FLI1: variants seen among roughly 807,000 people sequenced by gnomAD.
FLI1 encodes the protein Friend leukemia integration 1 transcription factor.
FLI1 carries 13 observed loss-of-function variants against 53.1 expected under a neutral mutation model. The observed-to-expected ratio is 0.24, with a 90% CI of 0.16 to 0.39. The LOEUF is 0.39. Ranked by LOEUF, FLI1 falls within the 10% of genes least tolerant of loss-of-function variation. The probability of loss-of-function intolerance (pLI) is 1.00; values close to 1 mark genes in which losing one functional copy is unlikely to be tolerated. For missense variants in FLI1, 424 were observed against 600.5 expected (o/e 0.71, Z 3.07); for synonymous variants, 244 against 236.7 (o/e 1.03, Z -0.28).
At position 128,768,196 on chromosome 11, in the gene FLI1, C is replaced by A. The variant is rs770373355; in HGVS notation, c.309C>A (p.Asn103Lys). Residue 103 changes from asparagine (N) to lysine (K), a missense_variant, in exon 3 of 9, where the codon AAC (asparagine) becomes AAA (lysine). Physicochemically the swap from Asn to Lys is moderately conservative, Grantham distance 94. Around this residue, in one of 5 missense-constraint regions of FLI1, gnomAD observed 137 missense variants for 169.1 expected, o/e 0.81. Transcript: ENST00000527786. Reference protein sequence around the residue: ...GGGESNPMNYNSYMDEKNGPP... With the variant: ...GGGESNPMNYKSYMDEKNGPP... ...GCGAGTCCAACCCCATGAACTACAA[C>A]AGCTATATGGACGAGAAGAATGGCC... 1.2e-6 allele frequency: 2 copies of A among 1,613,812 alleles called. No homozygotes were observed. The highest frequency in any genetic ancestry group is 1.7e-6 in the Non-Finnish European group (2 of 1,179,864).
chr11:128,694,390 C>G, intron 1 of FLI1, 114 bp downstream of exon 1: 2 of 848,262 alleles, frequency 2.4e-6, no homozygotes, highest in Non-Finnish European at 3.2e-6. Context: ...CCCTTCCCTC[C>G]GCGCCCCGGC....
intron 5 of FLI1, among the ~76,000 whole-genome samples, chr11:128,799,049 A>ATTTTTTTTTTTTTTT (rs1184910280): frequency 7.3e-6 from 1 of 137,278 alleles, no homozygotes; most frequent in African/African-American, 2.7e-5. Context: ...TATTATTATT[A>ATTTTTTTTTTTTTTT]TTATTTTGCT....
intron 1 of FLI1, among the ~76,000 whole-genome samples, chr11:128,721,840 G>A (rs1939267095): frequency 1.3e-5 from 2 of 152,170 alleles, no homozygotes. Context: ...AGGCATTTGG[G>A]TGACTTTCCA....
chr11:128,691,469 T>C (rs1010783563), upstream of FLI1, among the ~76,000 whole-genome samples: 2 of 152,094 alleles, frequency 1.3e-5, no homozygotes, highest in Admixed American at 1.3e-4. Flanking sequence ...CCTCTGTGAA[T>C]GGACAGGAGC....
intron 1 of FLI1, among the ~76,000 whole-genome samples, chr11:128,716,929 A>G (rs1196821676): frequency 2.0e-5 from 3 of 152,178 alleles, no homozygotes; most frequent in African/African-American, 7.2e-5. Context: ...CATGCTCGTC[A>G]CTGTGGGCAT....
intron 1 of FLI1, among the ~76,000 whole-genome samples, chr11:128,739,466 C>T (rs889470684): frequency 6.7e-6 from 1 of 148,174 alleles, no homozygotes; most frequent in Non-Finnish European, 1.5e-5. Context: ...ATCTGCCAAA[C>T]AAGCCCGTGA....
intron 1 of FLI1, among the ~76,000 whole-genome samples, chr11:128,748,499 G>C (rs932896435): frequency 6.6e-6 from 1 of 152,150 alleles, no homozygotes; most frequent in Non-Finnish European, 1.5e-5. Flanking sequence ...TGGGCGTGGT[G>C]GTGGGCGCCT....
intron 5 of FLI1, among the ~76,000 whole-genome samples, chr11:128,794,771 G>C (rs767017957): frequency 2.6e-5 from 4 of 152,284 alleles, no homozygotes; most frequent in Non-Finnish European, 5.9e-5. Context: ...TCAGGGATCT[G>C]TAAGATCGAG....
intron 1 of FLI1, among the ~76,000 whole-genome samples, chr11:128,756,820 T>G (rs567193500): frequency 1.3e-5 from 2 of 152,258 alleles, no homozygotes; most frequent in South Asian, 4.1e-4. Flanking sequence ...CGATGAGACA[T>G]GGAATAATGG....
chr11:128,805,414 A>T lies in FLI1; in HGVS notation c.704A>T (p.Asn235Ile). ...AGAGGAGCTTGGGGCAATAACATGAATTCTGGCCTCAACAAAAGTAAGTAA... is the reference window on the plus strand; with the variant it reads ...AGAGGAGCTTGGGGCAATAACATGATTTCTGGCCTCAACAAAAGTAAGTAA... ...VRRGAWGNNM[N>I]SGLNKSPPLG... The change falls in exon 6 of 9, where the codon AAT (asparagine) becomes ATT (isoleucine). Residue 235 changes from asparagine to isoleucine, a missense_variant. Physicochemically the swap from Asn to Ile is moderately radical, Grantham distance 149. Around this residue, in one of 5 missense-constraint regions of FLI1, gnomAD observed 114 missense variants for 117.9 expected, o/e 0.97. Coordinates refer to ENST00000527786, the MANE Select transcript of FLI1 (RefSeq NM_002017.5). 6.3e-7 allele frequency: 1 copy of T among 1,582,396 alleles called. No individual in the cohort carries two copies. Among genetic ancestry groups the T allele is most frequent in the South Asian group, 1.2e-5 (1 of 86,898 alleles).
intron 1 of FLI1, among the ~76,000 whole-genome samples, chr11:128,745,627 T>TC (rs1940347901): frequency 6.6e-6 from 1 of 152,192 alleles, no homozygotes; most frequent in Non-Finnish European, 1.5e-5. Flanking sequence ...ATTCAGGGTC[T>TC]CCCCTGTCCC....
intron 1 of FLI1, among the ~76,000 whole-genome samples, chr11:128,716,110 A>G (rs1415690035): frequency 1.3e-5 from 2 of 152,220 alleles, no homozygotes; most frequent in Admixed American, 1.3e-4. Context: ...ACTGTTAGAA[A>G]TGGAGGCACA....
At chr11:128,697,147 A>C (rs1938115499) in intron 1 of FLI1, among the ~76,000 whole-genome samples, 1 of 152,220 alleles carries the variant, frequency 6.6e-6, no homozygotes, top group Non-Finnish European at 1.5e-5. Context: ...TGATATTATC[A>C]GTGTTAAAAA....
chr11:128,725,543 C>T (rs1357789417), intron 1 of FLI1, among the ~76,000 whole-genome samples: 1 of 152,208 alleles, frequency 6.6e-6, no homozygotes, highest in Non-Finnish European at 1.5e-5. Context: ...GTCTAGGAAC[C>T]TTTCACCAAC....
chr11:128,797,760 C>CGAGGGGCAAGAATGAATTTTTGA (rs1942485261), intron 5 of FLI1, among the ~76,000 whole-genome samples: 1 of 152,022 alleles, frequency 6.6e-6, no homozygotes, highest in African/African-American at 2.4e-5. Context: ...TTGGTGATGG[C>CGAGGGGCAAGAATGAATTTTTGA]GAGGGGCAAG....
intron 1 of FLI1, among the ~76,000 whole-genome samples, chr11:128,713,120 C>T (rs58631430): frequency 0.013 from 1,939 of 152,258 alleles, 46 homozygotes; most frequent in African/African-American, 0.044. Context: ...CAAAGATGGG[C>T]AGACTCCTCT....
At chr11:128,740,505 C>A (rs1940088765) in intron 1 of FLI1, among the ~76,000 whole-genome samples, 1 of 152,228 alleles carries the variant, frequency 6.6e-6, no homozygotes, top group Admixed American at 6.5e-5. Context: ...TTCCAACATA[C>A]TTTTAGCTCC....
chr11:128,805,330 G>A (rs778966999), intron 5 of FLI1, 36 bp from the exon 6 acceptor site: 72 of 1,307,192 alleles, frequency 5.5e-5, no homozygotes, highest in Middle Eastern at 3.6e-4. Context: ...AGAAGCAGGC[G>A]ATGCTAATGT....
chr11:128,695,338 G>A (rs887198120), intron 1 of FLI1, among the ~76,000 whole-genome samples: 2 of 152,238 alleles, frequency 1.3e-5, no homozygotes, highest in African/African-American at 4.8e-5. Context: ...AGAGGACCTA[G>A]GGGAATGAAT....
Sources: allele counts gnomAD v4.1 joint callset (sites outside exome capture counted in the v4.1 genomes callset), GRCh38; gene constraint gnomAD v4.1.1; regional missense constraint gnomAD v4.1.1; transcripts MANE v1.5; gene names NCBI Gene and HGNC (gene_info 2026-07-23, HGNC 2026-07-21).